MLLT10: variants seen among roughly 807,000 people sequenced by gnomAD.
The protein encoded by MLLT10 is MLLT10 histone lysine methyltransferase DOT1L cofactor, also known as protein AF-10.
Under a neutral mutation model 129.1 loss-of-function variants are expected in MLLT10, and 30 were observed. The ratio of observed to expected loss-of-function variants is 0.23; its 90% CI spans 0.17 to 0.32. The LOEUF is 0.32. MLLT10 is among the 10% of genes least tolerant of loss of function. MLLT10 has a pLI of 1.00. For synonymous variants in MLLT10, 490 were observed against 446.4 expected (o/e 1.10, Z -1.23); for missense variants, 1,119 against 1,268.3 (o/e 0.88, Z 1.79).
At chr10:21,560,525 C>A (rs2038669574) in intron 3 of MLLT10, among the ~76,000 whole-genome samples, 1 of 152,122 alleles carries the variant, frequency 6.6e-6, no homozygotes, top group Admixed American at 6.6e-5. Context: ...GAGCGTCAAC[C>A]TCCTGGGATC....
rs144381486 is a variant in MLLT10 at position 21,664,153 on chromosome 10, T to C, written c.796-6296T>C. 2.0e-5 allele frequency among the ~76,000 whole-genome samples: 3 copies of C among 152,326 alleles called. No individual in the cohort carries two copies. The East Asian group carries it at 5.8e-4, about 29-fold the overall frequency. ...CTATGAGTTACTTAAAAGTGTGTTA[T>C]TTAGTTTAGAAATATTTGGATATTC... On this transcript the variant is annotated intron_variant, in intron 9 of 22. Coordinates refer to ENST00000307729, the MANE Select transcript of MLLT10 (RefSeq NM_001195626.3).
chr10:21,596,913 AT>A (rs1190589425), intron 5 of MLLT10, among the ~76,000 whole-genome samples: 2 of 151,716 alleles, frequency 1.3e-5, no homozygotes, highest in African/African-American at 4.8e-5. Context: ...TAGCAGGTTA[AT>A]TTTTTGTAAT....
chr10:21,737,687 C>T (rs181135054), intron 21 of MLLT10, among the ~76,000 whole-genome samples: 3 of 152,122 alleles, frequency 2.0e-5, no homozygotes, highest in Non-Finnish European at 2.9e-5. Flanking sequence ...AAGTATGGAC[C>T]GAGACCCAAG....
chr10:21,696,819 C>T (rs2054408084), intron 13 of MLLT10, among the ~76,000 whole-genome samples: 1 of 152,060 alleles, frequency 6.6e-6, no homozygotes, highest in African/African-American at 2.4e-5. Flanking sequence ...CTACTTAAGT[C>T]ATCTCCCTGA....
intron 5 of MLLT10, among the ~76,000 whole-genome samples, chr10:21,604,631 G>C (rs2043878652): frequency 6.6e-6 from 1 of 152,082 alleles, no homozygotes; most frequent in African/African-American, 2.4e-5. Flanking sequence ...GTGATACATA[G>C]AAAACAAGTT....
intron 14 of MLLT10, 69 bp downstream of exon 14, chr10:21,714,019 A>G: frequency 1.4e-6 from 2 of 1,393,908 alleles, no homozygotes; most frequent in Middle Eastern, 1.9e-4. Context: ...GTTTTGTTGG[A>G]GGAGAAACAA....
At chr10:21,591,179 C>T (rs1165955453) in intron 4 of MLLT10, among the ~76,000 whole-genome samples, 1 of 152,000 alleles carries the variant, frequency 6.6e-6, no homozygotes, top group African/African-American at 2.4e-5. Flanking sequence ...TACCTTAGCC[C>T]CTGAGTGGCT....
intron 3 of MLLT10, among the ~76,000 whole-genome samples, chr10:21,556,317 A>G (rs1437151492): frequency 6.6e-6 from 1 of 152,206 alleles, no homozygotes; most frequent in Non-Finnish European, 1.5e-5. Flanking sequence ...GTGAGCAGAC[A>G]TTATTGAGTG....
chr10:21,577,256 T>C (rs2040867371), intron 3 of MLLT10, among the ~76,000 whole-genome samples: 1 of 152,232 alleles, frequency 6.6e-6, no homozygotes, highest in Non-Finnish European at 1.5e-5. Flanking sequence ...TTTTCTTTAC[T>C]CATTCATTAA....
At chr10:21,553,639 C>A (rs1270892447) in intron 3 of MLLT10, among the ~76,000 whole-genome samples, 1 of 150,872 alleles carries the variant, frequency 6.6e-6, no homozygotes, top group Non-Finnish European at 1.5e-5. Context: ...ATTCTGATTT[C>A]TTTTCCTTTT....
At chr10:21,712,307 A>G (rs1024512683) in intron 13 of MLLT10, among the ~76,000 whole-genome samples, 6 of 152,058 alleles carry the variant, frequency 3.9e-5, no homozygotes, top group African/African-American at 1.2e-4. Context: ...TTGAACTTCC[A>G]GGCTCAAGTG....
chr10:21,611,937 C>G (rs542964593), intron 5 of MLLT10, among the ~76,000 whole-genome samples: 6 of 151,974 alleles, frequency 3.9e-5, no homozygotes, highest in Admixed American at 3.3e-4. Context: ...GTTTCAAACC[C>G]TCTTAGATAT....
chr10:21,549,035 T>G (rs1487598784), intron 3 of MLLT10, among the ~76,000 whole-genome samples: 1 of 151,928 alleles, frequency 6.6e-6, no homozygotes, highest in Admixed American at 6.6e-5. Context: ...GATGTCACTG[T>G]GGGGTTTTTG....
intron 8 of MLLT10, among the ~76,000 whole-genome samples, chr10:21,620,596 A>G (rs1285682425): frequency 6.6e-6 from 1 of 152,204 alleles, no homozygotes; most frequent in African/African-American, 2.4e-5. Flanking sequence ...TGTTCATAAG[A>G]TATACATTGA....
intron 11 of MLLT10, among the ~76,000 whole-genome samples, chr10:21,675,730 C>G (rs1011741651): frequency 1.3e-5 from 2 of 152,052 alleles, no homozygotes; most frequent in Non-Finnish European, 2.9e-5. Context: ...GAAAATAAAG[C>G]CTAGATTTGC....
chr10:21,708,999 T>C (rs1345716470), intron 13 of MLLT10, among the ~76,000 whole-genome samples: 1 of 152,176 alleles, frequency 6.6e-6, no homozygotes, highest in Non-Finnish European at 1.5e-5. Flanking sequence ...ATTATCTTTG[T>C]TTTATAGATA....
chr10:21,717,876 T>TCTCCTCCTCCTTCTCCTCCTC, intron 14 of MLLT10, among the ~76,000 whole-genome samples: 1 of 75,666 alleles, frequency 1.3e-5, no homozygotes, highest in South Asian at 5.2e-4. Flanking sequence ...TCCTCCTCCT[T>TCTCCTCCTCCTTCTCCTCCTC]CTCCTCCTCC....
chr10:21,664,530 C>T (rs1303750397), intron 9 of MLLT10, among the ~76,000 whole-genome samples: 1 of 151,506 alleles, frequency 6.6e-6, no homozygotes, highest in South Asian at 2.1e-4. Context: ...CTCTTGACCT[C>T]GTGACCTGCC....
chr10:21,538,990 G>A, intron 3 of MLLT10, 78 bp downstream of exon 3: 5 of 1,004,354 alleles, frequency 5.0e-6, no homozygotes, highest in Non-Finnish European at 7.7e-6. Context: ...GTTGTGGTTT[G>A]TGGGGTTGTC....
Sources: allele counts gnomAD v4.1 joint callset (sites outside exome capture counted in the v4.1 genomes callset), GRCh38; gene constraint gnomAD v4.1.1; transcripts MANE v1.5; gene names NCBI Gene and HGNC (gene_info 2026-07-23, HGNC 2026-07-21).